RAPGEF4: variants seen among roughly 807,000 people sequenced by gnomAD.
RAPGEF4 encodes RAP guanine-nucleotide-exchange factor (GEF) 4.
In RAPGEF4, 66 loss-of-function variants were observed where a neutral mutation model predicts 147.9. The observed-to-expected ratio is 0.45, with a 90% confidence interval of 0.37 to 0.55. The LOEUF (loss-of-function observed/expected upper bound fraction) is 0.55. RAPGEF4 is among the 20% of genes least tolerant of loss of function. The pLI is 0.00. For missense variants in RAPGEF4, 1,071 were observed against 1,257.3 expected (o/e 0.85, Z 2.24); for synonymous variants, 419 against 442.7 (o/e 0.95, Z 0.67).
In RAPGEF4 at chr2:173,017,479, C is replaced by T; in HGVS notation, c.1983C>T (p.Arg661=). 1 of 1,614,122 alleles carries T rather than the reference C, an allele frequency of 6.2e-7. No individual in the cohort carries two copies. Among genetic ancestry groups the T allele is most frequent in the Non-Finnish European group, 8.5e-7 (1 of 1,180,008 alleles). The change falls in exon 21 of 31, where the codon CGC becomes CGT. Residue 661 remains arginine (R), a synonymous_variant. Transcript: ENST00000397081. The stretch of plus-strand genomic sequence containing the variant: ...CGGGCGATGAGAGAGCCCAGAAGCG[C>T]CAGCCTATCCGCGGCTCTGATGAAG... The part of the protein sequence containing the change: ...FNTGDERAQK[R]QPIRGSDEVL...
intron 4 of RAPGEF4, among the ~76,000 whole-genome samples, chr2:172,877,397 T>C (rs1696083209): frequency 6.6e-6 from 1 of 151,926 alleles, no homozygotes; most frequent in South Asian, 2.1e-4. Flanking sequence ...GGGATAGCAT[T>C]AGGAGAAATA....
At chr2:172,896,476 A>G (rs949345029) in intron 4 of RAPGEF4, among the ~76,000 whole-genome samples, 4 of 152,208 alleles carry the variant, frequency 2.6e-5, no homozygotes, top group African/African-American at 9.6e-5. Context: ...AGCTATTTAT[A>G]TAATCAAAAT....
chr2:172,900,405 A>G (rs770779420), intron 4 of RAPGEF4, among the ~76,000 whole-genome samples: 7 of 152,064 alleles, frequency 4.6e-5, no homozygotes, highest in Non-Finnish European at 1.0e-4. Flanking sequence ...ACACTTGGCT[A>G]ATTTTTTAAT....
intron 10 of RAPGEF4, among the ~76,000 whole-genome samples, chr2:172,977,081 C>T (rs757724890): frequency 2.0e-5 from 3 of 152,194 alleles, no homozygotes; most frequent in Non-Finnish European, 2.9e-5. Flanking sequence ...GTACATTCAC[C>T]GGCTGCCACT....
At chr2:173,036,234 G>A (rs1428164225) in intron 28 of RAPGEF4, 22 bp downstream of exon 28, 1 of 1,524,024 alleles carries the variant, frequency 6.6e-7, no homozygotes, top group Non-Finnish European at 9.1e-7. Context: ...AAGATGCACA[G>A]GCCAAGCAGG....
intron 4 of RAPGEF4, among the ~76,000 whole-genome samples, chr2:172,830,580 A>C (rs775592349): frequency 6.6e-6 from 1 of 150,612 alleles, no homozygotes; most frequent in Admixed American, 6.6e-5. Flanking sequence ...ACAACCCATC[A>C]CGCAAAACAA....
intron 4 of RAPGEF4, among the ~76,000 whole-genome samples, chr2:172,878,277 T>C (rs1357695027): frequency 1.3e-5 from 2 of 152,216 alleles, no homozygotes; most frequent in Admixed American, 6.5e-5. Context: ...AATCATTCTC[T>C]TCTATCTTTT....
chr2:172,746,998 A>T (rs1694834382), intron 1 of RAPGEF4, among the ~76,000 whole-genome samples: 1 of 152,206 alleles, frequency 6.6e-6, no homozygotes, highest in Admixed American at 6.5e-5. Context: ...CCCTTAGAAA[A>T]GACTTAATAG....
chr2:172,928,179 C>T (rs773970611), intron 6 of RAPGEF4: 5 of 455,072 alleles, frequency 1.1e-5, no homozygotes, highest in South Asian at 7.8e-5. Context: ...GTGCCAAGAA[C>T]AACTTCAGCT....
intron 4 of RAPGEF4, among the ~76,000 whole-genome samples, chr2:172,897,000 G>A (rs771920737): frequency 5.3e-5 from 8 of 152,038 alleles, no homozygotes; most frequent in Non-Finnish European, 7.4e-5. Context: ...GCTCCGTGTG[G>A]GTAAAATCAG....
rs1683759103 is a variant in RAPGEF4 at position 172,914,078 on chromosome 2, A to C, written c.445-3724A>C. ...ATCTGTATATAAGTAGTGCCGCTTC[A>C]TTCTTTGTCATGGCGTCATACTATT... is the stretch of plus-strand genomic sequence containing the variant. On this transcript the variant is annotated intron_variant, in intron 4 of 30. Transcript: ENST00000397081. Among the ~76,000 whole-genome samples the C allele has an allele frequency of 3.3e-5, 5 of 152,170 alleles. No homozygotes were observed. The South Asian group carries it at 1.0e-3, about 31-fold the overall frequency.
intron 24 of RAPGEF4, 100 bp downstream of exon 24, chr2:173,026,797 A>G (rs1696704748): frequency 2.7e-6 from 4 of 1,465,426 alleles, no homozygotes; most frequent in Non-Finnish European, 3.7e-6. Context: ...ACAATATGGA[A>G]ACCACATGAC....
At chr2:172,772,546 G>C (rs773065816) in intron 1 of RAPGEF4, among the ~76,000 whole-genome samples, 1 of 152,000 alleles carries the variant, frequency 6.6e-6, no homozygotes, top group East Asian at 1.9e-4. Flanking sequence ...GCTTCACCAC[G>C]TTGGCCAGGC....
At chr2:173,012,807 C>T (rs1174731949) in intron 17 of RAPGEF4, among the ~76,000 whole-genome samples, 2 of 152,198 alleles carry the variant, frequency 1.3e-5, no homozygotes, top group African/African-American at 4.8e-5. Flanking sequence ...TCAGTCAAGA[C>T]TTTCCTATTT....
chr2:172,980,891 T>C (rs904569096), intron 10 of RAPGEF4, among the ~76,000 whole-genome samples: 2 of 152,146 alleles, frequency 1.3e-5, no homozygotes, highest in African/African-American at 4.8e-5. Flanking sequence ...GAAGTGATCC[T>C]CCTGCCTCGG....
At chr2:173,050,429 C>T (rs1686045964) in intron 30 of RAPGEF4, among the ~76,000 whole-genome samples, 1 of 152,190 alleles carries the variant, frequency 6.6e-6, no homozygotes, top group South Asian at 2.1e-4. Context: ...GCTTTTCTGC[C>T]TTCAGACCTG....
rs375404385 is a variant in RAPGEF4, at chr2:172,967,359, G to A, written c.919G>A (p.Glu307Lys). The A allele has an allele frequency of 6.2e-7, 1 of 1,612,030 alleles. No homozygotes were observed. Among genetic ancestry groups the A allele is most frequent in the African/African-American group, 1.3e-5 (1 of 74,866 alleles). The change falls in exon 10 of 31, where the codon GAG (glutamate) becomes AAG (lysine). Residue 307 changes from glutamate to lysine, a missense_variant. By Grantham distance (56) the Glu-to-Lys change is moderately conservative. Transcript: ENST00000397081. ...TTTGCCTACTGAGGAGGAGAAGAAGGAGTGTGATGAGGAGCTCCAGGACAC... is the reference window on the plus strand; with the variant it reads ...TTTGCCTACTGAGGAGGAGAAGAAGAAGTGTGATGAGGAGCTCCAGGACAC... ...APLPTEEEKK[E>K]CDEELQDTML... is the part of the protein sequence containing the mutation.
intron 27 of RAPGEF4, among the ~76,000 whole-genome samples, chr2:173,034,707 C>T (rs922719921): frequency 2.6e-5 from 4 of 151,964 alleles, no homozygotes; most frequent in African/African-American, 9.7e-5. Context: ...AACCCCATCT[C>T]TACAAAAAAT....
chr2:173,047,110 C>T (rs960229683), intron 29 of RAPGEF4, among the ~76,000 whole-genome samples: 1 of 151,712 alleles, frequency 6.6e-6, no homozygotes, highest in African/African-American at 2.4e-5. Context: ...ATTATCTCCA[C>T]AGGACCCCCT....
Sources: allele counts gnomAD v4.1 joint callset (sites outside exome capture counted in the v4.1 genomes callset), GRCh38; gene constraint gnomAD v4.1.1; transcripts MANE v1.5; gene names NCBI Gene and HGNC (gene_info 2026-07-23, HGNC 2026-07-21).